CNTNAP2: variants seen among roughly 807,000 people sequenced by gnomAD.
CNTNAP2 encodes the protein contactin-associated protein-like 2.
Under a neutral mutation model 155.2 loss-of-function variants are expected in CNTNAP2, and 98 were observed. The observed-to-expected ratio is 0.63, with a 90% confidence interval of 0.54 to 0.75. CNTNAP2 has a LOEUF of 0.75. CNTNAP2 is among the 30% of genes least tolerant of loss of function. The pLI, the probability that CNTNAP2 is intolerant of heterozygous loss-of-function variation, is 0.00. For missense variants in CNTNAP2, 1,727 were observed against 1,688.1 expected (o/e 1.02, Z -0.40); for synonymous variants, 651 against 631.2 (o/e 1.03, Z -0.47).
intron 21 of CNTNAP2, among the ~76,000 whole-genome samples, chr7:148,374,584 G>A (rs73747603): frequency 0.016 from 2,481 of 152,190 alleles, 83 homozygotes; most frequent in African/African-American, 0.056. Context: ...AGAGTTTAAC[G>A]TGGTTCTCCA....
chr7:147,419,399 G>A (rs826647), intron 10 of CNTNAP2, among the ~76,000 whole-genome samples: 18,741 of 152,092 alleles, frequency 0.12, 1,415 homozygotes, highest in East Asian at 0.32. Context: ...AAGATATATG[G>A]CTAGGAGTAT....
intron 11 of CNTNAP2, among the ~76,000 whole-genome samples, chr7:147,510,060 T>C (rs981115453): frequency 2.0e-5 from 3 of 152,068 alleles, no homozygotes; most frequent in Non-Finnish European, 2.9e-5. Context: ...AGGTCTATAA[T>C]AGAGTCATGG....
intron 1 of CNTNAP2, among the ~76,000 whole-genome samples, chr7:146,183,774 C>G (rs1048464783): frequency 6.6e-6 from 1 of 152,042 alleles, no homozygotes; most frequent in Non-Finnish European, 1.5e-5. Context: ...TTTGTCTAAG[C>G]CAACTCAGAA....
At chr7:147,130,700 T>A (rs1323722315) in intron 7 of CNTNAP2, among the ~76,000 whole-genome samples, 1 of 152,102 alleles carries the variant, frequency 6.6e-6, no homozygotes, top group Non-Finnish European at 1.5e-5. Flanking sequence ...GTGCTGGTAT[T>A]TCAGTGAAAT....
At chr7:147,429,431 ATTTG>A (rs1797431834) in intron 10 of CNTNAP2, among the ~76,000 whole-genome samples, 1 of 151,516 alleles carries the variant, frequency 6.6e-6, no homozygotes, top group African/African-American at 2.4e-5. Context: ...TGATGAGATT[ATTTG>A]TTTTTTTCTT....
chr7:147,542,337 A>C (rs1158194003), intron 11 of CNTNAP2, among the ~76,000 whole-genome samples: 1 of 151,898 alleles, frequency 6.6e-6, no homozygotes, highest in African/African-American at 2.4e-5. Flanking sequence ...AGCAAATAAG[A>C]AAGTAAGAGT....
intron 1 of CNTNAP2, among the ~76,000 whole-genome samples, chr7:146,449,982 C>T (rs1796455120): frequency 2.0e-5 from 3 of 152,120 alleles, no homozygotes; most frequent in Non-Finnish European, 4.4e-5. Flanking sequence ...TCCACTATTT[C>T]TATACAGAAC....
At position 146,688,804 on chromosome 7, in the gene CNTNAP2, A is replaced by G. The variant is rs555487670; in HGVS notation, c.98-85467A>G. Among the ~76,000 whole-genome samples, 74 of 152,270 alleles carry G rather than the reference A, an allele frequency of 4.9e-4. 1 individual carries two copies. Among genetic ancestry groups the G allele is most frequent in the Middle Eastern group, 3.4e-3 (1 of 292 alleles). ...TGTTGCCATGAAATGACATAAAAAC[A>G]AAGACTATTAATGACTATCCTAATT... On this transcript the variant is annotated intron_variant, in intron 1 of 23. Coordinates refer to ENST00000361727, the MANE Select transcript of CNTNAP2 (RefSeq NM_014141.6).
At position 146,411,771 on chromosome 7, in the gene CNTNAP2, G is replaced by A. The variant is rs1795867871; in HGVS notation, c.97+294798G>A. Among the ~76,000 whole-genome samples, 4 of 151,484 alleles carry A rather than the reference G, an allele frequency of 2.6e-5. No individual in the cohort carries two copies. In the South Asian group the frequency reaches 8.4e-4, roughly 32 times the overall value. ...AGAGATTGGCATGGCATTTTGTACT[G>A]TATTTGAAACATGATCAACATTGTT... is the stretch of plus-strand genomic sequence containing the variant. On this transcript the variant is annotated intron_variant, in intron 1 of 23. Transcript: ENST00000361727.
At chr7:147,153,484 C>G (rs934671863) in intron 8 of CNTNAP2, among the ~76,000 whole-genome samples, 1 of 152,028 alleles carries the variant, frequency 6.6e-6, no homozygotes, top group Admixed American at 6.6e-5. Flanking sequence ...GTGATAAACC[C>G]ATTTCAAACA....
chr7:148,322,957 A>G (rs1797821566), intron 21 of CNTNAP2, among the ~76,000 whole-genome samples: 1 of 152,074 alleles, frequency 6.6e-6, no homozygotes, highest in Admixed American at 6.5e-5. Context: ...AAATGTGCCA[A>G]ATCATTCAGA....
chr7:147,332,487 T>G (rs942437010), intron 9 of CNTNAP2, among the ~76,000 whole-genome samples: 12 of 152,092 alleles, frequency 7.9e-5, no homozygotes, highest in Non-Finnish European at 1.5e-4. Context: ...AGAGGTTCAG[T>G]ACTGGCAATC....
At chr7:148,067,886 T>C (rs928160809) in intron 15 of CNTNAP2, among the ~76,000 whole-genome samples, 3 of 152,130 alleles carry the variant, frequency 2.0e-5, no homozygotes, top group East Asian at 3.9e-4. Context: ...CCAGGGGGAT[T>C]ATGGCTGCTC....
Position 148,410,335 on chromosome 7 carries a change from C to T in CNTNAP2, c.3796+864C>T, listed in dbSNP as rs187248097. On this transcript the variant is annotated intron_variant, in intron 23 of 23. Transcript: ENST00000361727. ...CTGTAATCCCAGCACTTCGGGAGGC[C>T]GAGGCAGGTGGATCATTTGAGGTCA... Among the ~76,000 whole-genome samples the T allele has an allele frequency of 6.0e-3, 919 of 152,014 alleles. 3 individuals carry two copies. The highest frequency in any genetic ancestry group is 9.0e-3 in the Non-Finnish European group (610 of 67,970).
intron 13 of CNTNAP2, among the ~76,000 whole-genome samples, chr7:147,748,876 CA>C (rs895304772): frequency 6.6e-6 from 1 of 151,928 alleles, no homozygotes; most frequent in African/African-American, 2.4e-5. Flanking sequence ...CAGACTGAAA[CA>C]AAAAGGAAGG....
At chr7:148,365,714 A>ATG (rs1798727453) in intron 21 of CNTNAP2, among the ~76,000 whole-genome samples, 1 of 48,320 alleles carries the variant, frequency 2.1e-5, no homozygotes, top group African/African-American at 6.1e-5. Flanking sequence ...TTTTATATAT[A>ATG]TGTATACGTG....
At chr7:147,079,924 G>T (rs915151584) in intron 4 of CNTNAP2, among the ~76,000 whole-genome samples, 1 of 151,130 alleles carries the variant, frequency 6.6e-6, no homozygotes, top group Non-Finnish European at 1.5e-5. Context: ...TTCATACTGA[G>T]ACTCAGAAAA....
chr7:147,121,117 A>G lies in CNTNAP2; in HGVS notation c.893A>G (p.His298Arg). Residue 298 changes from histidine (H) to arginine (R), a missense_variant, in exon 6 of 24, where the codon CAC becomes CGC. Physicochemically the swap from His to Arg is conservative, Grantham distance 29. Coordinates refer to ENST00000361727, the MANE Select transcript of CNTNAP2 (RefSeq NM_014141.6). ...INLTLDRSMQ[H>R]FRTNGEFDYL... is the part of the protein sequence containing the mutation. ...CTCACTCTGGACAGGAGCATGCAGCACTTCCGTACCAATGGAGAGTTTGAC... is the reference window on the plus strand; with the variant it reads ...CTCACTCTGGACAGGAGCATGCAGCGCTTCCGTACCAATGGAGAGTTTGAC... 1 of 1,614,178 alleles carries G rather than the reference A, an allele frequency of 6.2e-7. No homozygotes were observed. Among genetic ancestry groups the G allele is most frequent in the Non-Finnish European group, 8.5e-7 (1 of 1,180,014 alleles).
intron 13 of CNTNAP2, among the ~76,000 whole-genome samples, chr7:147,733,922 C>T (rs148394802): frequency 0.19 from 28,372 of 152,092 alleles, 3,046 homozygotes; most frequent in Middle Eastern, 0.38. Context: ...TGGGCTGAGA[C>T]GATGGGGTTT....
Sources: gnomAD v4.1 joint callset for allele counts (sites outside exome capture counted in the v4.1 genomes callset) on GRCh38, gnomAD v4.1.1 for gene constraint, MANE v1.5 for transcripts, NCBI Gene and HGNC (gene_info 2026-07-23, HGNC 2026-07-21) for gene names.